The following LSP1 variants were observed in gnomAD, a reference collection of about 807,000 sequenced individuals.
LSP1 encodes lymphocyte-specific protein 1.
Under a neutral mutation model 49.3 loss-of-function variants are expected in LSP1, and 32 were observed. That is an observed-to-expected ratio of 0.65 (90% confidence interval 0.49 to 0.87). The LOEUF is 0.87. Ranked by LOEUF, LSP1 falls within the 40% of genes least tolerant of loss-of-function variation. The pLI, the probability that LSP1 is intolerant of heterozygous loss-of-function variation, is 0.00. For missense variants in LSP1, 428 were observed against 442.6 expected (o/e 0.97, Z 0.30); for synonymous variants, 179 against 178.8 (o/e 1.00, Z -0.01).
chr11:1,868,742 C>T, intron 1 of LSP1: 1 of 985,912 alleles, frequency 1.0e-6, no homozygotes, highest in Non-Finnish European at 1.2e-6. Context: ...AGCAGGGGTG[C>T]AGGGACCGAG....
chr11:1,884,514 A>G lies in LSP1; in HGVS notation c.650A>G (p.Lys217Arg), dbSNP rs144840874. Residue 217 changes from lysine (K) to arginine (R), a missense_variant, in exon 7 of 11, where the codon AAA becomes AGA. Lys to Arg is a conservative substitution (Grantham distance 26). Coordinates refer to ENST00000311604, the MANE Select transcript of LSP1 (RefSeq NM_002339.3). The surrounding 1 kb of genome is among the most constrained non-coding windows in gnomAD (Gnocchi z 4.1). Reference protein sequence around the residue: ...RSIEKSNSVKKSQPDLPISKI... With the variant: ...RSIEKSNSVKRSQPDLPISKI... ...CTACCCTCCAGTAACAGTGTGAAGAAATCCCAGCCAGACTTGCCCATCTCC... is the reference window on the plus strand; with the variant it reads ...CTACCCTCCAGTAACAGTGTGAAGAGATCCCAGCCAGACTTGCCCATCTCC... 9.4e-5 allele frequency: 151 copies of G among 1,613,700 alleles called. No homozygotes were observed. Among genetic ancestry groups the G allele is most frequent in the Non-Finnish European group, 1.2e-4 (141 of 1,179,904 alleles).
At chr11:1,861,024 GA>G (rs1847616285) in intron 1 of LSP1, among the ~76,000 whole-genome samples, 1 of 152,206 alleles carries the variant, frequency 6.6e-6, no homozygotes, top group Non-Finnish European at 1.5e-5. Context: ...TGAATCAATA[GA>G]CAATTGAATC....
chr11:1,854,579 T>C (rs1847441476), intron 1 of LSP1, among the ~76,000 whole-genome samples: 1 of 152,134 alleles, frequency 6.6e-6, no homozygotes, highest in South Asian at 2.1e-4. Context: ...GGGGGGCCAC[T>C]GAAGGGACCC....
At chr11:1,870,919 C>T (rs1303889986) in intron 1 of LSP1, 1 of 985,694 alleles carries the variant, frequency 1.0e-6, no homozygotes, top group Admixed American at 6.1e-5. Flanking sequence ...CGCCGCAGCG[C>T]TCCCGAGGGC....
chr11:1,858,516 CCTT>C (rs2133056614), intron 1 of LSP1, among the ~76,000 whole-genome samples: 1 of 152,310 alleles, frequency 6.6e-6, no homozygotes, highest in South Asian at 2.1e-4. Flanking sequence ...CCACTAAAGA[CCTT>C]CTGGGAGATG....
intron 1 of LSP1, among the ~76,000 whole-genome samples, chr11:1,855,286 C>A (rs1379412642): frequency 2.0e-5 from 3 of 152,186 alleles, no homozygotes; most frequent in Non-Finnish European, 4.4e-5. Context: ...GCCTGGGAAG[C>A]CCCCACACGG....
chr11:1,867,153 G>T (rs1432272619), intron 1 of LSP1, among the ~76,000 whole-genome samples: 1 of 152,104 alleles, frequency 6.6e-6, no homozygotes, highest in Non-Finnish European at 1.5e-5. Flanking sequence ...TGGGTTGGTG[G>T]CATAAGGACC....
chr11:1,873,035 A>T (rs1284510627), intron 1 of LSP1, among the ~76,000 whole-genome samples: 3 of 151,548 alleles, frequency 2.0e-5, no homozygotes, highest in Non-Finnish European at 4.4e-5. Flanking sequence ...AGAGGAACAG[A>T]CCCCTCCCTG....
intron 1 of LSP1, chr11:1,866,794 G>A (rs1422008007): frequency 7.1e-6 from 11 of 1,550,284 alleles, no homozygotes; most frequent in Non-Finnish European, 9.6e-6. Context: ...AGAAGGAAGT[G>A]CAGCCCCCGG....
rs1317466675 is a variant in LSP1 at position 1,884,465 on chromosome 11, G to T, written c.636-35G>T. The stretch of plus-strand genomic sequence containing the variant: ...GGGCAGGTTGGGAGAAGCCTTGTGG[G>T]AGACATGGGGCCTGACACATCTTCT... On this transcript the variant is annotated intron_variant, in intron 6 of 10. Transcript: ENST00000311604. This position sits in a 1 kb window ranked among gnomAD's most constrained non-coding sequence, Gnocchi z 4.1. 6.2e-7 allele frequency: 1 copy of T among 1,605,934 alleles called. No homozygotes were observed. Among genetic ancestry groups the T allele is most frequent in the Admixed American group, 1.7e-5 (1 of 59,988 alleles).
chr11:1,883,346 C>A, intron 3 of LSP1, 73 bp from the exon 4 acceptor site: 1 of 1,561,374 alleles, frequency 6.4e-7, no homozygotes, highest in Non-Finnish European at 8.8e-7. Context: ...GAAACTGAGG[C>A]TTGGAAAAAG....
In LSP1 at chr11:1,883,476, G is replaced by A; in HGVS notation, c.414G>A (p.Leu138=). Residue 138 remains leucine (L), a synonymous_variant, in exon 4 of 11, where the codon TTG becomes TTA. Transcript: ENST00000311604. ...EDSDEVHLEE[L]SLSKEGPGPE... ...GTGATGAAGTCCACCTGGAGGAGTTGAGTCTGAGCAAGGAGGGGCCAGGCC... is the reference window on the plus strand; with the variant it reads ...GTGATGAAGTCCACCTGGAGGAGTTAAGTCTGAGCAAGGAGGGGCCAGGCC... 1 of 1,614,108 alleles carries A rather than the reference G, an allele frequency of 6.2e-7. No homozygotes were observed. The highest frequency in any genetic ancestry group is 8.5e-7 in the Non-Finnish European group (1 of 1,180,016).
chr11:1,886,730 A>T lies in LSP1; in HGVS notation c.718-2A>T. On this transcript the variant is annotated splice_acceptor_variant, in intron 7 of 10. Coordinates refer to ENST00000311604, the MANE Select transcript of LSP1 (RefSeq NM_002339.3). LOFTEE classifies it high-confidence loss of function. The stretch of plus-strand genomic sequence containing the variant: ...AATCCTGATGCTTTTCCTCCTCTGC[A>T]GACCGCTGGCCGGACCCCCAAGCTA... The T allele has an allele frequency of 1.9e-6, 3 of 1,606,488 alleles. No homozygotes were observed. The highest frequency in any genetic ancestry group is 2.6e-6 in the Non-Finnish European group (3 of 1,175,870).
intron 1 of LSP1, among the ~76,000 whole-genome samples, chr11:1,858,046 G>A (rs184197148): frequency 5.3e-4 from 80 of 152,262 alleles, no homozygotes; most frequent in African/African-American, 1.8e-3. Context: ...ATGAACCACC[G>A]CGCCCTGCCT....
At chr11:1,869,594 G>A (rs746832149) in intron 1 of LSP1, 52 of 468,998 alleles carry the variant, frequency 1.1e-4, no homozygotes, top group Non-Finnish European at 1.6e-4. Context: ...CTCCCACGTG[G>A]GCCGCACCTA....
rs545999529 is a variant in LSP1, at chr11:1,866,548, C to T, written c.53+13351C>T. ...AGTTCAGGACCAGCACCAGGATCTG[C>T]AGTGGGCCCCTGGCTGGGCACACCT... On this transcript the variant is annotated intron_variant, in intron 1 of 10. Transcript: ENST00000311604. 4.5e-5 allele frequency: 70 copies of T among 1,543,784 alleles called. 1 individual carries two copies. The South Asian group carries it at 7.3e-4, about 16-fold the overall frequency.
chr11:1,883,780 G>A lies in LSP1; in HGVS notation c.499-152G>A, dbSNP rs570978207. On this transcript the variant is annotated intron_variant, in intron 4 of 10. Coordinates refer to ENST00000311604, the MANE Select transcript of LSP1 (RefSeq NM_002339.3). ...CGGAGACATCTCTCCAGACTCCTCA[G>A]TCCCTCCCCACCAGCTCCAGAACTG... The A allele has an allele frequency of 4.5e-6, 4 of 888,170 alleles. No individual in the cohort carries two copies. In the Admixed American group the frequency reaches 9.2e-5, roughly 20 times the overall value. 55.0% of individuals were successfully genotyped at this position (888,170 alleles called of 1,614,324 possible). A position where few individuals can be genotyped will look rare whatever the true frequency, so the allele number is the denominator to read the frequency against.
intron 1 of LSP1, among the ~76,000 whole-genome samples, chr11:1,858,508 A>G (rs1847544349): frequency 6.6e-6 from 1 of 152,086 alleles, no homozygotes; most frequent in South Asian, 2.1e-4. Context: ...TTTGGGGGCC[A>G]CTAAAGACCT....
At chr11:1,871,146 G>A (rs954204683) in intron 1 of LSP1, 55 of 985,464 alleles carry the variant, frequency 5.6e-5, no homozygotes, top group East Asian at 2.3e-4. Flanking sequence ...GCTCGGCAGC[G>A]TTGTGGTTAG....
Sources: allele counts gnomAD v4.1 joint callset (sites outside exome capture counted in the v4.1 genomes callset), GRCh38; gene constraint gnomAD v4.1.1; non-coding constraint Gnocchi (gnomAD v3.1); transcripts MANE v1.5; gene names NCBI Gene and HGNC (gene_info 2026-07-23, HGNC 2026-07-21).